Variants in ATRNL1 observed in about 807,000 individuals in gnomAD.
The protein encoded by ATRNL1 is attractin like 1.
A neutral mutation model predicts 182.7 loss-of-function variants in ATRNL1; 95 were observed. That is an observed-to-expected ratio of 0.52 (90% CI 0.44 to 0.62). The LOEUF is 0.62. Among genes scored for constraint, ATRNL1 ranks in the 20% least tolerant of loss-of-function variants. ATRNL1 has a pLI of 0.00. For synonymous variants in ATRNL1, 576 were observed against 568.3 expected (o/e 1.01, Z -0.19); for missense variants, 1,471 against 1,679.5 (o/e 0.88, Z 2.17).
In ATRNL1 at chr10:115,155,160, A is replaced by T. The variant is rs368549552; in HGVS notation, c.830-4880A>T. Among the ~76,000 whole-genome samples the T allele has an allele frequency of 8.0e-4, 121 of 151,018 alleles. 2 individuals are homozygous for T. In the South Asian group the frequency reaches 0.025, roughly 31 times the overall value. ...TTCTGTTTTAATGGATTTTTTTTCT[A>T]TCCCTTTATTTTCAGCCTCTATATG... On this transcript the variant is annotated intron_variant, in intron 5 of 28. Transcript: ENST00000355044.
chr10:115,775,336 G>T (rs1429862677), intron 27 of ATRNL1, among the ~76,000 whole-genome samples: 3 of 152,102 alleles, frequency 2.0e-5, no homozygotes, highest in African/African-American at 7.2e-5. Flanking sequence ...AAACACCTAA[G>T]TAAAATAGTA....
intron 24 of ATRNL1, among the ~76,000 whole-genome samples, chr10:115,488,640 G>C (rs535155801): frequency 6.6e-6 from 1 of 151,784 alleles, no homozygotes; most frequent in Non-Finnish European, 1.5e-5. Flanking sequence ...GCTGGCTAGC[G>C]GTCTATGTAT....
At chr10:115,566,977 G>A (rs782791072) in intron 26 of ATRNL1, among the ~76,000 whole-genome samples, 17 of 152,016 alleles carry the variant, frequency 1.1e-4, no homozygotes, top group Non-Finnish European at 1.8e-4. Flanking sequence ...ACTAACAACC[G>A]AAATTCAGTT....
intron 8 of ATRNL1, among the ~76,000 whole-genome samples, chr10:115,180,094 G>A (rs1383554167): frequency 1.3e-5 from 2 of 151,916 alleles, no homozygotes; most frequent in African/African-American, 4.8e-5. Context: ...CCTCCAAAGT[G>A]TATTTGATGG....
At chr10:115,914,733 G>T (rs4336952) in intron 28 of ATRNL1, among the ~76,000 whole-genome samples, 7,997 of 152,106 alleles carry the variant, frequency 0.053, 563 homozygotes, top group African/African-American at 0.16. Flanking sequence ...TTCTTTTCCC[G>T]ATTGTTCAAC....
At position 115,945,760 on chromosome 10, in the gene ATRNL1, A is replaced by G. The variant is rs1555125527; in HGVS notation, c.*981A>G. ...TTACAAAATGTATTTTAGAGGCGAC[A>G]TCTCTCAAGATGACCTGAGTTCCTT... On this transcript the variant is annotated 3_prime_UTR_variant, in exon 29 of 29. Coordinates refer to ENST00000355044, the MANE Select transcript of ATRNL1 (RefSeq NM_207303.4). 6.6e-6 allele frequency: 1 copy of G among 152,178 alleles called. No individual in the cohort carries two copies. The highest frequency in any genetic ancestry group is 2.4e-5 in the African/African-American group (1 of 41,450). 9.4% of individuals were successfully genotyped at this position (152,178 alleles called of 1,614,324 possible).
intron 27 of ATRNL1, among the ~76,000 whole-genome samples, chr10:115,843,091 T>G (rs1950847489): frequency 6.6e-6 from 1 of 152,114 alleles, no homozygotes; most frequent in Non-Finnish European, 1.5e-5. Context: ...CAACTTCATT[T>G]ATTCATTCAT....
chr10:115,868,635 C>T (rs1346733820), intron 28 of ATRNL1, among the ~76,000 whole-genome samples: 1 of 152,050 alleles, frequency 6.6e-6, no homozygotes, highest in Non-Finnish European at 1.5e-5. Context: ...GCATGCAGTT[C>T]GCCCAGGGTC....
In ATRNL1 at chr10:115,818,582, T is replaced by C. The variant is rs551528710; in HGVS notation, c.3904-29295T>C. Among the ~76,000 whole-genome samples the C allele has an allele frequency of 4.6e-5, 7 of 152,302 alleles. No homozygotes were observed. In the South Asian group the frequency reaches 1.4e-3, roughly 32 times the overall value. On this transcript the variant is annotated intron_variant, in intron 27 of 28. Transcript: ENST00000355044. ...TGTTGTCAGAGAAAAGGTTATTTTC[T>C]AGAAATTATGTTGGCTGTGCCCTTC...
chr10:115,669,811 A>T (rs1555040827), intron 26 of ATRNL1, among the ~76,000 whole-genome samples: 1 of 152,264 alleles, frequency 6.6e-6, no homozygotes, highest in Non-Finnish European at 1.5e-5. Flanking sequence ...ATTCCCATAT[A>T]TGATGATGTT....
Position 115,581,511 on chromosome 10 carries a change from A to G in ATRNL1, c.3795+31975A>G, listed in dbSNP as rs993906585. Among the ~76,000 whole-genome samples the G allele has an allele frequency of 6.6e-5, 10 of 152,188 alleles. No individual in the cohort carries two copies. In the East Asian group the frequency reaches 1.9e-3, roughly 29 times the overall value. On this transcript the variant is annotated intron_variant, in intron 26 of 28. Transcript: ENST00000355044. ...TTGGAAGTGCACCCATTCAAAAATC[A>G]CATGCATTAAAACTCATAGAAATGT...
At chr10:115,640,465 C>T (rs1859166359) in intron 26 of ATRNL1, among the ~76,000 whole-genome samples, 1 of 152,152 alleles carries the variant, frequency 6.6e-6, no homozygotes, top group Non-Finnish European at 1.5e-5. Flanking sequence ...TAGTGATCGC[C>T]ATTCAAACTG....
intron 20 of ATRNL1, among the ~76,000 whole-genome samples, chr10:115,406,882 T>G (rs751846047): frequency 1.3e-5 from 2 of 152,178 alleles, no homozygotes; most frequent in South Asian, 4.1e-4. Context: ...ATCCATCTTT[T>G]CCCTATGGTT....
chr10:115,437,183 T>G (rs933408916), intron 21 of ATRNL1, among the ~76,000 whole-genome samples: 7 of 151,944 alleles, frequency 4.6e-5, no homozygotes, highest in Non-Finnish European at 1.0e-4. Context: ...AATGTTTGAG[T>G]TACTAAAAGA....
chr10:115,307,612 C>T (rs1381438278), intron 17 of ATRNL1, among the ~76,000 whole-genome samples: 2 of 152,110 alleles, frequency 1.3e-5, no homozygotes, highest in African/African-American at 4.8e-5. Flanking sequence ...GGAAGAAGGG[C>T]ATTGAACATT....
chr10:115,252,019 TTTGTTG>T (rs371207632), intron 10 of ATRNL1, among the ~76,000 whole-genome samples: 1 of 151,642 alleles, frequency 6.6e-6, no homozygotes, highest in African/African-American at 2.4e-5. Flanking sequence ...GCTGTCTAGG[TTTGTTG>T]TTGTTGTTGT....
At chr10:115,858,639 G>A (rs953446305) in intron 28 of ATRNL1, among the ~76,000 whole-genome samples, 1 of 152,058 alleles carries the variant, frequency 6.6e-6, no homozygotes, top group Admixed American at 6.5e-5. Context: ...AACCACCATG[G>A]CACACGTTTA....
intron 21 of ATRNL1, among the ~76,000 whole-genome samples, chr10:115,437,467 G>T (rs1311803009): frequency 6.6e-6 from 1 of 151,950 alleles, no homozygotes; most frequent in Non-Finnish European, 1.5e-5. Flanking sequence ...GCATCTTCCT[G>T]GAGCTATCTG....
At chr10:115,513,027 T>C (rs1554983029) in intron 24 of ATRNL1, among the ~76,000 whole-genome samples, 1 of 151,950 alleles carries the variant, frequency 6.6e-6, no homozygotes, top group African/African-American at 2.4e-5. Context: ...TAAAACATTA[T>C]GAGATTTTTT....
Sources: allele counts gnomAD v4.1 joint callset (sites outside exome capture counted in the v4.1 genomes callset), GRCh38; gene constraint gnomAD v4.1.1; transcripts MANE v1.5; gene names NCBI Gene and HGNC (gene_info 2026-07-23, HGNC 2026-07-21).